The following ACSL6 variants were observed in gnomAD, a reference collection of about 807,000 sequenced individuals.
ACSL6 encodes the protein acyl-CoA synthetase long chain family member 6.
In ACSL6, 47 loss-of-function variants were observed where a neutral mutation model predicts 98.2. The observed-to-expected ratio is 0.48, with a 90% CI of 0.38 to 0.61. The LOEUF is 0.61. Among genes scored for constraint, ACSL6 ranks in the 20% least tolerant of loss-of-function variants. The pLI, the probability that ACSL6 is intolerant of heterozygous loss-of-function variation, is 0.00. For missense variants in ACSL6, 761 were observed against 913.4 expected (o/e 0.83, Z 2.15); for synonymous variants, 362 against 336.9 (o/e 1.07, Z -0.82).
In ACSL6 at chr5:131,951,028, A is replaced by G. The variant is rs1250343520; in HGVS notation, c.*3206T>C. 1.0e-5 allele frequency: 2 copies of G among 196,188 alleles called. No individual in the cohort carries two copies. Among genetic ancestry groups the G allele is most frequent in the Non-Finnish European group, 2.1e-5 (2 of 94,632 alleles). 12.2% of individuals were successfully genotyped at this position (196,188 alleles called of 1,614,324 possible). A position where few individuals can be genotyped will look rare whatever the true frequency, so the allele number is the denominator to read the frequency against. ...GAGTCCCGTCTCTCATTTGCAAGGG[A>G]AGTCTCAATATTATATAAAGACATC... On this transcript the variant is annotated 3_prime_UTR_variant, in exon 21 of 21. Transcript: ENST00000651883.
At position 131,965,141 on chromosome 5, in the gene ACSL6, A is replaced by T. The variant is rs180917847; in HGVS notation, c.1713+1275T>A. Among the ~76,000 whole-genome samples the T allele has an allele frequency of 2.1e-3, 326 of 152,268 alleles. 1 individual carries two copies. The highest frequency in any genetic ancestry group is 3.1e-3 in the Non-Finnish European group (208 of 68,024). On this transcript the variant is annotated intron_variant, in intron 17 of 20. Transcript: ENST00000651883. Reference sequence around the variant, plus strand: ...CAGGGGCAGATCCATTTACCAGCCCACTCAGCCTGCCTTGGGCTCAACATC... The same window carrying T: ...CAGGGGCAGATCCATTTACCAGCCCTCTCAGCCTGCCTTGGGCTCAACATC...
At chr5:132,009,369 G>A (rs904898011) in intron 1 of ACSL6, among the ~76,000 whole-genome samples, 1 of 152,242 alleles carries the variant, frequency 6.6e-6, no homozygotes, top group African/African-American at 2.4e-5. Context: ...GGCAGCTGCC[G>A]TGGGACCATG....
intron 2 of ACSL6, among the ~76,000 whole-genome samples, chr5:131,991,561 G>A (rs1754514880): frequency 6.6e-6 from 1 of 152,216 alleles, no homozygotes; most frequent in South Asian, 2.1e-4. Context: ...TGTGCAATGG[G>A]GGAGGAGAGG....
Position 132,011,394 on chromosome 5 carries a change from G to T in ACSL6, c.49+111C>A. The T allele has an allele frequency of 8.4e-7, 1 of 1,185,402 alleles. No individual in the cohort carries two copies. Among genetic ancestry groups the T allele is most frequent in the Non-Finnish European group, 1.2e-6 (1 of 806,830 alleles). The allele number at this position is 1,185,402 out of a possible 1,614,324, so 73.4% of individuals were successfully genotyped here. On this transcript the variant is annotated intron_variant, in intron 1 of 20. Coordinates refer to ENST00000651883, the MANE Select transcript of ACSL6 (RefSeq NM_001009185.3). This position sits in a 1 kb window ranked among gnomAD's most constrained non-coding sequence, Gnocchi z 5.4. ...GGGACCTTGACGGGACAGCTCAGCA[G>T]CAGGGGATGGGGGCTCGGCGGCCGC...
chr5:131,995,661 T>C (rs1754760922), intron 1 of ACSL6, among the ~76,000 whole-genome samples: 1 of 152,172 alleles, frequency 6.6e-6, no homozygotes, highest in South Asian at 2.1e-4. Context: ...TCCCAATAAA[T>C]GGCATTTGTG....
In ACSL6 at chr5:131,951,008, C is replaced by T. The variant is rs2149666077; in HGVS notation, c.*3226G>A. 1 of 196,130 alleles carries T rather than the reference C, an allele frequency of 5.1e-6. No homozygotes were observed. The highest frequency in any genetic ancestry group is 1.9e-4 in the South Asian group (1 of 5,202). 12.1% of individuals were successfully genotyped at this position (196,130 alleles called of 1,614,324 possible). ...CTACACACTATACCTGACCAGAGTCCCGTCTCTCATTTGCAAGGGAAGTCT... is the reference window on the plus strand; with the variant it reads ...CTACACACTATACCTGACCAGAGTCTCGTCTCTCATTTGCAAGGGAAGTCT... On this transcript the variant is annotated 3_prime_UTR_variant, in exon 21 of 21. Coordinates refer to ENST00000651883, the MANE Select transcript of ACSL6 (RefSeq NM_001009185.3).
chr5:131,958,317 C>T (rs575864133), intron 20 of ACSL6, among the ~76,000 whole-genome samples: 90 of 152,304 alleles, frequency 5.9e-4, no homozygotes, highest in Middle Eastern at 3.4e-3. Flanking sequence ...CCAGCCAGGC[C>T]TACGACCACT....
At chr5:131,992,809 C>G (rs1305661815) in intron 2 of ACSL6, among the ~76,000 whole-genome samples, 1 of 152,230 alleles carries the variant, frequency 6.6e-6, no homozygotes, top group East Asian at 1.9e-4. Flanking sequence ...CCTTGCTGAC[C>G]TCTCCAGATG....
chr5:131,990,885 T>C lies in ACSL6; in HGVS notation c.353A>G (p.Tyr118Cys), dbSNP rs766842090. Reference protein sequence around the residue: ...THYYDDARTMYQVFRRGLSIS... With the variant: ...THYYDDARTMCQVFRRGLSIS... ...GCTAAGCCCACGGCGGAACACCTGG[T>C]ACATGGTCCGGGCATCATCATAGTA... is the stretch of plus-strand genomic sequence containing the variant. The change falls in exon 3 of 21, where the codon TAC (tyrosine) becomes TGC (cysteine). Residue 118 changes from tyrosine (Y) to cysteine (C), a missense_variant. Coordinates refer to ENST00000651883, the MANE Select transcript of ACSL6 (RefSeq NM_001009185.3). 2 of 1,613,152 alleles carry C rather than the reference T, an allele frequency of 1.2e-6. No individual in the cohort carries two copies. Among genetic ancestry groups the C allele is most frequent in the East Asian group, 4.5e-5 (2 of 44,846 alleles).
intron 10 of ACSL6, among the ~76,000 whole-genome samples, 185 bp downstream of exon 10, chr5:131,976,463 G>A (rs1286837051): frequency 1.3e-5 from 2 of 151,772 alleles, no homozygotes; most frequent in African/African-American, 4.8e-5. Context: ...AGTATTTGGA[G>A]TGAAAAGTGA....
At chr5:131,963,123 T>C (rs1752801240) in intron 17 of ACSL6, among the ~76,000 whole-genome samples, 1 of 152,092 alleles carries the variant, frequency 6.6e-6, no homozygotes, top group Non-Finnish European at 1.5e-5. Context: ...AGCTACTGTC[T>C]CCACCCCTAA....
chr5:131,991,044 G>T (rs866932974), intron 2 of ACSL6, 77 bp from the exon 3 acceptor site: 4 of 1,242,844 alleles, frequency 3.2e-6, no homozygotes, highest in African/African-American at 1.5e-5. Context: ...CATGCACAAG[G>T]CTGTACCCAG....
In ACSL6 at chr5:131,990,943, C is replaced by T. The variant is rs745824731; in HGVS notation, c.295G>A (p.Val99Met). ...AGTAGCTGAGGGCCAGACCCAATCA[C>T]AGATCGCCGTGCCCCGCCACTGTCC... ...VEDSGGARRSVIGSGPQLLTH... is the reference protein window; with the variant it reads ...VEDSGGARRSMIGSGPQLLTH... The change falls in exon 3 of 21, where the codon GTG (valine) becomes ATG (methionine). Residue 99 changes from valine to methionine, a missense_variant. Val to Met is a conservative substitution (Grantham distance 21, BLOSUM62 1). Coordinates refer to ENST00000651883, the MANE Select transcript of ACSL6 (RefSeq NM_001009185.3). The T allele has an allele frequency of 8.7e-6, 14 of 1,613,774 alleles. No homozygotes were observed. Among genetic ancestry groups the T allele is most frequent in the Admixed American group, 6.7e-5 (4 of 59,984 alleles).
In ACSL6 at chr5:131,972,747, C is replaced by T; in HGVS notation, c.1315G>A (p.Glu439Lys). The T allele has an allele frequency of 6.2e-7, 1 of 1,614,198 alleles. No individual in the cohort carries two copies. Among genetic ancestry groups the T allele is most frequent in the Non-Finnish European group, 8.5e-7 (1 of 1,180,038 alleles). The change falls in exon 13 of 21, where the codon GAA (glutamate) becomes AAA (lysine). Residue 439 changes from glutamate to lysine, a missense_variant. By Grantham distance (56) the Glu-to-Lys change is moderately conservative (BLOSUM62 1). Coordinates refer to ENST00000651883, the MANE Select transcript of ACSL6 (RefSeq NM_001009185.3). Reference protein sequence around the residue: ...GIIRNDSIWDELFFNKIQASL... With the variant: ...GIIRNDSIWDKLFFNKIQASL... ...ACCTGAATCTTATTAAAGAAGAGTTCATCCCAGATACTATCATTCCTGATG... is the reference window on the plus strand; with the variant it reads ...ACCTGAATCTTATTAAAGAAGAGTTTATCCCAGATACTATCATTCCTGATG...
chr5:131,952,621 C>T lies in ACSL6; in HGVS notation c.*1613G>A. ...AGAAGAAAAACACGTTCCTGGGGTC[C>T]ATGCCTTTTTCAGAGGCACAATCTA... On this transcript the variant is annotated 3_prime_UTR_variant, in exon 21 of 21. Transcript: ENST00000651883. 1 of 212,956 alleles carries T rather than the reference C, an allele frequency of 4.7e-6. No individual in the cohort carries two copies. 13.2% of individuals were successfully genotyped at this position (212,956 alleles called of 1,614,324 possible).
intron 1 of ACSL6, among the ~76,000 whole-genome samples, chr5:132,008,531 C>T (rs902008448): frequency 6.6e-5 from 10 of 152,194 alleles, no homozygotes; most frequent in Admixed American, 2.0e-4. Context: ...AACATCATAA[C>T]GACCTCCTAC....
At chr5:131,972,090 C>T (rs1318131415) in intron 13 of ACSL6, among the ~76,000 whole-genome samples, 4 of 152,094 alleles carry the variant, frequency 2.6e-5, no homozygotes, top group African/African-American at 9.7e-5. Context: ...CTATGTACTG[C>T]TGAGGACGAA....
Position 131,966,523 on chromosome 5 carries a change from T to A in ACSL6, c.1606A>T (p.Arg536Ter). The A allele has an allele frequency of 6.2e-7, 1 of 1,614,062 alleles. No homozygotes were observed. The highest frequency in any genetic ancestry group is 8.5e-7 in the Non-Finnish European group (1 of 1,179,926). ...TAGCCTTTGAACACATTTGGTCCTC[T>A]CACACATATCTATGGGACAAAAACC... ...ACKGEGEICV[R>*]GPNVFKGYLK... The change falls in exon 17 of 21, where the codon AGA becomes TGA. Residue 536 changes from arginine (R) to a stop codon, truncating the protein, a stop_gained. Coordinates refer to ENST00000651883, the MANE Select transcript of ACSL6 (RefSeq NM_001009185.3). LOFTEE classifies it high-confidence loss of function.
rs1274456770 is a variant in ACSL6 at position 131,957,984 on chromosome 5, A to G, written c.2031+1552T>C. 5.3e-5 allele frequency among the ~76,000 whole-genome samples: 8 copies of G among 152,204 alleles called. No homozygotes were observed. The East Asian group carries it at 1.5e-3, about 29-fold the overall frequency. On this transcript the variant is annotated intron_variant, in intron 20 of 20. Transcript: ENST00000651883. ...TGACTTCTCTGTATTTGAGGTTACC[A>G]TGGTGAGGGCAGATTATTAGAGCAG...
Sources: allele counts gnomAD v4.1 joint callset (sites outside exome capture counted in the v4.1 genomes callset), GRCh38; gene constraint gnomAD v4.1.1; non-coding constraint Gnocchi (gnomAD v3.1); transcripts MANE v1.5; gene names NCBI Gene and HGNC (gene_info 2026-07-23, HGNC 2026-07-21).